The following TBCD variants were observed in gnomAD, a reference collection of about 807,000 sequenced individuals.
TBCD encodes the protein tubulin-specific chaperone D.
TBCD carries 105 observed loss-of-function variants against 169.3 expected under a neutral mutation model. The observed-to-expected ratio is 0.62, with a 90% confidence interval of 0.53 to 0.73. TBCD has a LOEUF of 0.73. TBCD is among the 30% of genes least tolerant of loss of function. The pLI is 0.00. For missense variants in TBCD, 1,444 were observed against 1,600.1 expected, an observed-to-expected ratio of 0.90 and a Z score of 1.66; for synonymous variants, 700 against 643.9, an observed-to-expected ratio of 1.09 and a Z score of -1.32.
At chr17:82,852,281 G>A (rs889928800) in intron 13 of TBCD, among the ~76,000 whole-genome samples, 2 of 152,062 alleles carry the variant, frequency 1.3e-5, no homozygotes, top group African/African-American at 2.4e-5. Context: ...TGGCGTTGGC[G>A]TGGTCCGTGG....
At chr17:82,888,676 G>C (rs568520534) in intron 15 of TBCD, among the ~76,000 whole-genome samples, 1 of 152,076 alleles carries the variant, frequency 6.6e-6, no homozygotes, top group Non-Finnish European at 1.5e-5. Flanking sequence ...TGGTGGGCGC[G>C]TCTGCTCCTT....
At chr17:82,757,986 C>A (rs1043457525) in intron 2 of TBCD, among the ~76,000 whole-genome samples, 1 of 152,166 alleles carries the variant, frequency 6.6e-6, no homozygotes, top group African/African-American at 2.4e-5. Flanking sequence ...AGTTAAATGC[C>A]TTTATTCTTG....
chr17:82,822,905 G>A, intron 13 of TBCD, among the ~76,000 whole-genome samples: 1 of 152,156 alleles, frequency 6.6e-6, no homozygotes, highest in East Asian at 1.9e-4. Flanking sequence ...GTGAATGGGT[G>A]GAAAAGCTTG....
At position 82,941,177 on chromosome 17, in the gene TBCD, G is replaced by A. The variant is rs867310824; in HGVS notation, c.3480-222G>A. On this transcript the variant is annotated intron_variant, in intron 37 of 38. Coordinates refer to ENST00000355528, the MANE Select transcript of TBCD (RefSeq NM_005993.5). ...CTTCCCGAGGGGCACCCCTTGTTGG[G>A]AAGGAACCGTCCTCCTGCGATTCCG... Among the ~76,000 whole-genome samples the A allele has an allele frequency of 8.5e-5, 13 of 152,242 alleles. No homozygotes were observed. The South Asian group carries it at 1.4e-3, about 17-fold the overall frequency.
chr17:82,831,228 C>G lies in TBCD; in HGVS notation c.1318+16294C>G. On this transcript the variant is annotated intron_variant, in intron 13 of 38. Coordinates refer to ENST00000355528, the MANE Select transcript of TBCD (RefSeq NM_005993.5). The surrounding 1 kb of genome is among the most constrained non-coding windows in gnomAD (Gnocchi z 4.6). ...TGGGGCTCGGCCTCCCTGGGGAGCC[C>G]GTGGCTGCACTCCCTGCGCGGGGGC... is the stretch of plus-strand genomic sequence containing the variant. The G allele has an allele frequency of 1.2e-6, 2 of 1,614,004 alleles. No individual in the cohort carries two copies. Among genetic ancestry groups the G allele is most frequent in the African/African-American group, 1.3e-5 (1 of 75,048 alleles).
chr17:82,912,343 G>A (rs1444048205), intron 23 of TBCD, among the ~76,000 whole-genome samples: 1 of 152,224 alleles, frequency 6.6e-6, no homozygotes, highest in South Asian at 2.1e-4. Context: ...TAGGACAGTC[G>A]GGCATTTTTT....
At chr17:82,926,334 C>T in intron 27 of TBCD, 66 bp from the exon 28 acceptor site, 1 of 1,499,904 alleles carries the variant, frequency 6.7e-7, no homozygotes, top group Non-Finnish European at 9.2e-7. Flanking sequence ...CCAACATTGC[C>T]ACCTCCCTAA....
At chr17:82,892,811 T>C (rs1414694571) in intron 16 of TBCD, among the ~76,000 whole-genome samples, 1 of 152,220 alleles carries the variant, frequency 6.6e-6, no homozygotes, top group African/African-American at 2.4e-5. Context: ...ATTATTTATG[T>C]TGTTTCCAGA....
At chr17:82,791,184 C>T (rs553480737) in intron 7 of TBCD, among the ~76,000 whole-genome samples, 15 of 151,622 alleles carry the variant, frequency 9.9e-5, no homozygotes, top group Middle Eastern at 3.4e-3. Flanking sequence ...CTCCGCCTCC[C>T]GGGTTCACGC....
At chr17:82,878,485 G>A (rs1471157697) in intron 14 of TBCD, among the ~76,000 whole-genome samples, 2 of 150,454 alleles carry the variant, frequency 1.3e-5, no homozygotes, top group African/African-American at 2.5e-5. Context: ...CAGATGTTCT[G>A]TAGGACGCCC....
In TBCD at chr17:82,781,652, C is replaced by T. The variant is rs2048956332; in HGVS notation, c.702C>T (p.Cys234=). The part of the protein sequence containing the change: ...KMAEFLDWSL[C]NLARSSFQTM... ...CTGAGTTCCTGGACTGGAGCCTGTG[C>T]AATCTGGCCCGTTCCTCCTTCCAGA... The change falls in exon 7 of 39, where the codon TGC becomes TGT. Residue 234 remains cysteine, a synonymous_variant. Transcript: ENST00000355528. The T allele has an allele frequency of 1.2e-6, 2 of 1,613,804 alleles. No homozygotes were observed. The highest frequency in any genetic ancestry group is 1.7e-6 in the Non-Finnish European group (2 of 1,179,856).
chr17:82,756,875 ACATGGGT>A (rs1012957495), intron 2 of TBCD, among the ~76,000 whole-genome samples: 1 of 152,194 alleles, frequency 6.6e-6, no homozygotes, highest in African/African-American at 2.4e-5. Context: ...CAGGTGTTTT[ACATGGGT>A]CATCATTTAA....
intron 7 of TBCD, among the ~76,000 whole-genome samples, chr17:82,794,404 C>T (rs1198575665): frequency 6.6e-6 from 1 of 152,162 alleles, no homozygotes; most frequent in East Asian, 1.9e-4. Flanking sequence ...AACAGACCTG[C>T]AGTCATTCCT....
chr17:82,934,705 G>T (rs1473348664), intron 34 of TBCD, among the ~76,000 whole-genome samples: 1 of 151,964 alleles, frequency 6.6e-6, no homozygotes, highest in African/African-American at 2.4e-5. Flanking sequence ...CTCCCGACCT[G>T]AGGTGATCTG....
chr17:82,853,251 C>G (rs117897091), intron 13 of TBCD, among the ~76,000 whole-genome samples: 1 of 151,690 alleles, frequency 6.6e-6, no homozygotes, highest in African/African-American at 2.4e-5. Context: ...AGCTAATTGT[C>G]GTATTTTTTT....
At chr17:82,901,658 G>A (rs1417265170) in intron 18 of TBCD, among the ~76,000 whole-genome samples, 24 of 149,974 alleles carry the variant, frequency 1.6e-4, no homozygotes, top group Admixed American at 1.1e-3. Flanking sequence ...TACCTGCCGT[G>A]GTCCTGCTGC....
chr17:82,913,988 G>C (rs1721323250), intron 23 of TBCD: 1 of 152,406 alleles, frequency 6.6e-6, no homozygotes, highest in African/African-American at 2.4e-5. Context: ...TTAGCGGGGA[G>C]AGGGGGAATG....
rs1043007527 is a variant in TBCD at position 82,789,952 on chromosome 17, G to A, written c.772-7805G>A. Among the ~76,000 whole-genome samples the A allele has an allele frequency of 2.0e-5, 3 of 152,176 alleles. No individual in the cohort carries two copies. Among genetic ancestry groups the A allele is most frequent in the African/African-American group, 7.2e-5 (3 of 41,452 alleles). On this transcript the variant is annotated intron_variant, in intron 7 of 38. Transcript: ENST00000355528. This position sits in a 1 kb window ranked among gnomAD's most constrained non-coding sequence, Gnocchi z 4.8. ...CGGCCCAGGAGCCGGGCTCATCCCC[G>A]AGACGCCGTGTTCCCTCCCGCTGTC... is the stretch of plus-strand genomic sequence containing the variant.
chr17:82,773,255 T>C (rs1042940131), intron 6 of TBCD, among the ~76,000 whole-genome samples: 2 of 152,200 alleles, frequency 1.3e-5, no homozygotes, highest in African/African-American at 4.8e-5. Context: ...AGCTGCAACT[T>C]GCACAGCTTC....
Sources: allele counts gnomAD v4.1 joint callset (sites outside exome capture counted in the v4.1 genomes callset), GRCh38; gene constraint gnomAD v4.1.1; non-coding constraint Gnocchi (gnomAD v3.1); transcripts MANE v1.5; gene names NCBI Gene and HGNC (gene_info 2026-07-23, HGNC 2026-07-21).